Variants in RHBDD1 observed in about 807,000 individuals in gnomAD.
RHBDD1 encodes rhomboid domain containing 1.
In RHBDD1, 38 loss-of-function variants were observed where a neutral mutation model predicts 36.3. That is an observed-to-expected ratio of 1.05 (90% CI 0.81 to 1.37). The LOEUF is 1.37. RHBDD1 is among the 40% of genes most tolerant of loss of function. The probability of loss-of-function intolerance (pLI) is 0.00; values close to 1 mark genes in which losing one functional copy is unlikely to be tolerated. For missense variants in RHBDD1, 393 were observed against 377.6 expected (o/e 1.04, Z -0.34); for synonymous variants, 151 against 136.5 (o/e 1.11, Z -0.74).
intron 8 of RHBDD1, among the ~76,000 whole-genome samples, chr2:226,952,157 T>A (rs536175590): frequency 6.6e-6 from 1 of 152,286 alleles, no homozygotes; most frequent in East Asian, 1.9e-4. Flanking sequence ...AACAGGTCTT[T>A]ATCTCCTCAT....
At chr2:226,991,541 A>G (rs114535068) in intron 8 of RHBDD1, among the ~76,000 whole-genome samples, 5 of 152,358 alleles carry the variant, frequency 3.3e-5, no homozygotes, top group African/African-American at 1.2e-4. Flanking sequence ...CATTTAGCAC[A>G]TGATTCTTGA....
chr2:226,802,030 C>T, the RHBDD1 span, among the ~76,000 whole-genome samples: 2 of 151,912 alleles, frequency 1.3e-5, no homozygotes, highest in Non-Finnish European at 2.9e-5. Flanking sequence ...ACCCCCCACC[C>T]CCCAAAAAAA....
chr2:226,928,084 G>A (rs1457420936), intron 8 of RHBDD1, among the ~76,000 whole-genome samples: 2 of 152,032 alleles, frequency 1.3e-5, no homozygotes, highest in African/African-American at 4.8e-5. Flanking sequence ...TTTACATTTA[G>A]ATATATAGCC....
intron 8 of RHBDD1, among the ~76,000 whole-genome samples, chr2:226,953,636 C>T (rs946292735): frequency 6.6e-6 from 1 of 152,172 alleles, no homozygotes; most frequent in Non-Finnish European, 1.5e-5. Flanking sequence ...TTAAGTTCTT[C>T]AGGAAGCAGT....
At chr2:226,910,787 T>C (rs1473815807) in intron 7 of RHBDD1, among the ~76,000 whole-genome samples, 2 of 152,192 alleles carry the variant, frequency 1.3e-5, no homozygotes, top group Admixed American at 6.5e-5. Context: ...AAACATCTGA[T>C]TGGGCCAGTG....
chr2:226,888,215 A>G (rs954548414), intron 5 of RHBDD1, among the ~76,000 whole-genome samples: 29 of 152,176 alleles, frequency 1.9e-4, no homozygotes. Context: ...ACACTGAGGA[A>G]TTTTCCCTCA....
chr2:226,901,657 C>T (rs1306049643), intron 5 of RHBDD1, among the ~76,000 whole-genome samples: 4 of 152,062 alleles, frequency 2.6e-5, no homozygotes, highest in Non-Finnish European at 5.9e-5. Context: ...TTTCATGTAC[C>T]TGTTGCCCAT....
chr2:226,965,364 A>G (rs6736262), intron 8 of RHBDD1, among the ~76,000 whole-genome samples: 2,250 of 152,310 alleles, frequency 0.015, 66 homozygotes, highest in African/African-American at 0.051. Flanking sequence ...TTGCAAGAGA[A>G]TAAAGTTCTG....
At chr2:226,801,485 T>TCC in the RHBDD1 span, among the ~76,000 whole-genome samples, 1 of 152,136 alleles carries the variant, frequency 6.6e-6, no homozygotes, top group South Asian at 2.1e-4. Context: ...GAGGGGCTCC[T>TCC]CCCCACCCAA....
intron 8 of RHBDD1, among the ~76,000 whole-genome samples, chr2:226,946,436 T>C (rs1950997827): frequency 6.6e-6 from 1 of 152,188 alleles, no homozygotes; most frequent in South Asian, 2.1e-4. Context: ...CATGCTGTTT[T>C]GGCTACTGTA....
intron 8 of RHBDD1, among the ~76,000 whole-genome samples, chr2:226,980,232 A>G (rs886400137): frequency 3.3e-5 from 5 of 152,166 alleles, no homozygotes; most frequent in Non-Finnish European, 7.3e-5. Context: ...AAAGTAGCTT[A>G]TCCTAGGACA....
chr2:226,838,508 G>A (rs1354621956), intron 2 of RHBDD1, among the ~76,000 whole-genome samples: 1 of 152,160 alleles, frequency 6.6e-6, no homozygotes, highest in African/African-American at 2.4e-5. Context: ...CTGTAAAGTA[G>A]GAGTCATAGG....
chr2:226,949,230 C>A (rs1951243260), intron 8 of RHBDD1, among the ~76,000 whole-genome samples: 1 of 152,176 alleles, frequency 6.6e-6, no homozygotes, highest in Admixed American at 6.5e-5. Context: ...ACTGCTACTC[C>A]CATCAAGCTA....
chr2:226,832,105 G>A (rs972777647), upstream of RHBDD1, among the ~76,000 whole-genome samples: 3 of 151,980 alleles, frequency 2.0e-5, no homozygotes, highest in African/African-American at 7.2e-5. Context: ...AGGTGGAAGT[G>A]TAGATTTGAG....
At chr2:226,906,703 C>G in intron 5 of RHBDD1, 90 bp from the exon 6 acceptor site, 1 of 1,602,120 alleles carries the variant, frequency 6.2e-7, no homozygotes, top group Non-Finnish European at 8.5e-7. Context: ...CAGACTGTGA[C>G]TATTTGACAT....
At chr2:226,962,263 A>G (rs138517218) in intron 8 of RHBDD1, among the ~76,000 whole-genome samples, 4 of 152,366 alleles carry the variant, frequency 2.6e-5, no homozygotes, top group East Asian at 3.9e-4. Flanking sequence ...GTCAATTCCC[A>G]AGGCTCATTG....
intron 8 of RHBDD1, among the ~76,000 whole-genome samples, chr2:226,972,908 AGAAAG>A (rs1360495806): frequency 1.3e-5 from 2 of 150,518 alleles, no homozygotes; most frequent in Non-Finnish European, 2.9e-5. Context: ...CTAAAGTTAA[AGAAAG>A]GAAGGAAGCC....
chr2:226,834,804 T>C (rs747709806), upstream of RHBDD1, among the ~76,000 whole-genome samples: 6 of 152,062 alleles, frequency 3.9e-5, no homozygotes, highest in Non-Finnish European at 7.4e-5. Flanking sequence ...TTTTTTGAGA[T>C]AGAGTCATGC....
At chr2:226,881,393 G>A (rs1209629989) in intron 5 of RHBDD1, among the ~76,000 whole-genome samples, 1 of 152,100 alleles carries the variant, frequency 6.6e-6, no homozygotes, top group African/African-American at 2.4e-5. Flanking sequence ...CAATTTTTTT[G>A]TTTAACATGC....
Sources: allele counts gnomAD v4.1 joint callset (sites outside exome capture counted in the v4.1 genomes callset), GRCh38; gene constraint gnomAD v4.1.1; transcripts MANE v1.5; gene names NCBI Gene and HGNC (gene_info 2026-07-23, HGNC 2026-07-21).